The following NCAM2 variants were observed in gnomAD, a reference collection of about 807,000 sequenced individuals.
The protein encoded by NCAM2 is neural cell adhesion molecule 2, also known as N-CAM-2.
A neutral mutation model predicts 98.1 loss-of-function variants in NCAM2; 30 were observed. The observed-to-expected ratio is 0.31, with a 90% CI of 0.23 to 0.41. The LOEUF is 0.41. Among genes scored for constraint, NCAM2 ranks in the 10% least tolerant of loss-of-function variants. The pLI is 1.00. For missense variants in NCAM2, 867 were observed against 1,005.8 expected (o/e 0.86, Z 1.87); for synonymous variants, 368 against 342.4 (o/e 1.07, Z -0.83).
At chr21:21,053,602 C>A (rs866907374) in intron 1 of NCAM2, among the ~76,000 whole-genome samples, 9 of 151,086 alleles carry the variant, frequency 6.0e-5, no homozygotes, top group Admixed American at 3.3e-4. Flanking sequence ...TTATTTTCTA[C>A]ATATATGCAT....
intron 1 of NCAM2, among the ~76,000 whole-genome samples, chr21:21,172,970 G>A (rs967586496): frequency 6.6e-6 from 1 of 151,952 alleles, no homozygotes; most frequent in African/African-American, 2.4e-5. Flanking sequence ...AATTTACCCT[G>A]TAATATTATT....
chr21:21,259,823 A>G (rs2071822445), intron 1 of NCAM2, among the ~76,000 whole-genome samples: 1 of 151,878 alleles, frequency 6.6e-6, no homozygotes, highest in South Asian at 2.1e-4. Context: ...GCACCCAGCA[A>G]TGAATCCAAA....
chr21:21,387,235 C>G (rs958431349), intron 9 of NCAM2, among the ~76,000 whole-genome samples: 1 of 147,366 alleles, frequency 6.8e-6, no homozygotes, highest in Non-Finnish European at 1.5e-5. Flanking sequence ...AATCTGGTGT[C>G]CCTTTCTCTT....
intron 1 of NCAM2, among the ~76,000 whole-genome samples, chr21:21,027,381 A>AAT (rs1308079553): frequency 6.6e-6 from 1 of 152,232 alleles, no homozygotes; most frequent in Admixed American, 6.5e-5. Context: ...ATAGAGATGA[A>AAT]TAAAACACTG....
chr21:21,267,349 A>G (rs2072321679), intron 1 of NCAM2, among the ~76,000 whole-genome samples: 1 of 152,154 alleles, frequency 6.6e-6, no homozygotes, highest in Admixed American at 6.6e-5. Flanking sequence ...CTTTATAAGA[A>G]TAAAACTTTA....
intron 8 of NCAM2, among the ~76,000 whole-genome samples, chr21:21,350,241 A>T (rs1568965116): frequency 1.3e-5 from 2 of 152,154 alleles, no homozygotes; most frequent in Admixed American, 1.3e-4. Flanking sequence ...ATTAAAAAAA[A>T]TCTAGAAACT....
In NCAM2 at chr21:21,240,839, G is replaced by A. The variant is rs139169339; in HGVS notation, c.56-39739G>A. ...TTTCAATTCTCCTCTGAAAACAATG[G>A]GGATAATTATATATATCTCACAGGA... is the stretch of plus-strand genomic sequence containing the variant. On this transcript the variant is annotated intron_variant, in intron 1 of 17. Coordinates refer to ENST00000400546, the MANE Select transcript of NCAM2 (RefSeq NM_004540.5). Among the ~76,000 whole-genome samples the A allele has an allele frequency of 1.6e-3, 249 of 151,978 alleles. 11 individuals are homozygous for A. The East Asian group carries it at 0.043, about 26-fold the overall frequency.
At chr21:21,306,893 T>A (rs969552216) in intron 5 of NCAM2, among the ~76,000 whole-genome samples, 2 of 147,430 alleles carry the variant, frequency 1.4e-5, no homozygotes, top group Admixed American at 6.8e-5. Context: ...CTCTGTTCCC[T>A]GAATTCAATT....
chr21:21,309,107 C>A (rs1250636622), intron 5 of NCAM2, among the ~76,000 whole-genome samples: 3 of 152,182 alleles, frequency 2.0e-5, no homozygotes, highest in African/African-American at 7.2e-5. Context: ...GGAATGCCAT[C>A]ATAATAACTG....
In NCAM2 at chr21:21,168,301, G is replaced by C. The variant is rs948917050; in HGVS notation, c.56-112277G>C. Among the ~76,000 whole-genome samples, 8 of 152,078 alleles carry C rather than the reference G, an allele frequency of 5.3e-5. No homozygotes were observed. In the East Asian group the frequency reaches 7.7e-4, roughly 15 times the overall value. On this transcript the variant is annotated intron_variant, in intron 1 of 17. Transcript: ENST00000400546. Reference sequence around the variant, plus strand: ...CAAACAATAGAGGGTAACTTCATCAGCTTGATAAAGAACATCTACCAAAAC... The same window carrying C: ...CAAACAATAGAGGGTAACTTCATCACCTTGATAAAGAACATCTACCAAAAC...
intron 8 of NCAM2, among the ~76,000 whole-genome samples, chr21:21,363,895 C>T (rs1419391511): frequency 2.0e-5 from 3 of 151,976 alleles, no homozygotes; most frequent in Admixed American, 6.6e-5. Context: ...ATTATTTTAT[C>T]TTAATAACTT....
rs1568971822 is a variant in NCAM2, at chr21:21,053,528, A to C, written c.55+54910A>C. On this transcript the variant is annotated intron_variant, in intron 1 of 17. Transcript: ENST00000400546. ...ACTCTGAAGGTCAACTTTGTAGACTATGTGTTATTTTTAAAAATTAATTGT... is the reference window on the plus strand; with the variant it reads ...ACTCTGAAGGTCAACTTTGTAGACTCTGTGTTATTTTTAAAAATTAATTGT... Among the ~76,000 whole-genome samples the C allele has an allele frequency of 4.0e-5, 6 of 151,668 alleles. No homozygotes were observed. The South Asian group carries it at 1.0e-3, about 26-fold the overall frequency.
At chr21:21,057,584 G>A (rs2065237833) in intron 1 of NCAM2, among the ~76,000 whole-genome samples, 1 of 152,026 alleles carries the variant, frequency 6.6e-6, no homozygotes, top group Admixed American at 6.6e-5. Flanking sequence ...CTTCCTGATC[G>A]TTACTTGTCA....
chr21:21,521,531 G>A (rs1466220896), intron 16 of NCAM2, among the ~76,000 whole-genome samples: 3 of 152,054 alleles, frequency 2.0e-5, no homozygotes, highest in African/African-American at 4.8e-5. Flanking sequence ...AACTCTAACA[G>A]GTAAGGTAGA....
intron 1 of NCAM2, among the ~76,000 whole-genome samples, chr21:21,053,654 C>T (rs117720212): frequency 0.06 from 8,990 of 150,554 alleles, 278 homozygotes; most frequent in East Asian, 0.095. Context: ...CATTTTTTCC[C>T]TCTCATTTTT....
chr21:21,322,705 G>A (rs189047788), intron 5 of NCAM2, among the ~76,000 whole-genome samples: 1 of 152,230 alleles, frequency 6.6e-6, no homozygotes, highest in African/African-American at 2.4e-5. Context: ...GACATGAATA[G>A]GCATTTCATG....
chr21:21,377,385 T>C (rs1034789064), intron 9 of NCAM2, among the ~76,000 whole-genome samples: 1 of 152,024 alleles, frequency 6.6e-6, no homozygotes, highest in African/African-American at 2.4e-5. Context: ...TCACTACAAT[T>C]TAGTTTACAT....
chr21:21,231,116 A>G (rs541456533), intron 1 of NCAM2, among the ~76,000 whole-genome samples: 1 of 151,382 alleles, frequency 6.6e-6, no homozygotes. Context: ...TAGAAGTGAT[A>G]TATTGATTTT....
At chr21:21,019,833 G>A (rs567024252) in intron 1 of NCAM2, among the ~76,000 whole-genome samples, 148 of 152,208 alleles carry the variant, frequency 9.7e-4, no homozygotes, top group African/African-American at 3.5e-3. Context: ...TAGGGCAGCT[G>A]ATAAGTTTAG....
Sources: gnomAD v4.1 joint callset for allele counts (sites outside exome capture counted in the v4.1 genomes callset) on GRCh38, gnomAD v4.1.1 for gene constraint, MANE v1.5 for transcripts, NCBI Gene and HGNC (gene_info 2026-07-23, HGNC 2026-07-21) for gene names.